Variants in C22orf31 observed in about 807,000 individuals in gnomAD.
C22orf31 encodes the protein chromosome 22 open reading frame 31, also known as uncharacterized protein C22orf31.
In C22orf31, 11 loss-of-function variants were observed where a neutral mutation model predicts 15.0. That is an observed-to-expected ratio of 0.73 (90% confidence interval 0.46 to 1.21). C22orf31 has a LOEUF of 1.21. Among genes scored for constraint, C22orf31 ranks in the 50% most tolerant of loss-of-function variants. The pLI is 0.00. For synonymous variants in C22orf31, 132 were observed against 133.3 expected, an observed-to-expected ratio of 0.99 and a Z score of 0.07; for missense variants, 340 against 347.2, an observed-to-expected ratio of 0.98 and a Z score of 0.17.
chr22:29,059,516 C>A (rs1835399023), intron 2 of C22orf31, among the ~76,000 whole-genome samples: 1 of 152,196 alleles, frequency 6.6e-6, no homozygotes, highest in East Asian at 1.9e-4. Flanking sequence ...AAGCCTTTTG[C>A]ATGTATTATT....
chr22:29,064,036 T>A (rs146767835), upstream of C22orf31, among the ~76,000 whole-genome samples: 798 of 152,170 alleles, frequency 5.2e-3, 8 homozygotes, highest in African/African-American at 0.018. Context: ...CCGGGCTAAT[T>A]TTTGTATTTT....
At chr22:29,060,028 T>A (rs1238035210) in intron 2 of C22orf31, 47 of 906,720 alleles carry the variant, frequency 5.2e-5, no homozygotes, top group Non-Finnish European at 5.9e-5. Flanking sequence ...TTTCTTTTTT[T>A]TTTTTTTTTT....
At chr22:29,067,044 T>A in the C22orf31 span, among the ~76,000 whole-genome samples, 1 of 152,130 alleles carries the variant, frequency 6.6e-6, no homozygotes, top group East Asian at 1.9e-4. Flanking sequence ...TGAGCCAGAA[T>A]CCTGGGAGAC....
Position 29,060,465 on chromosome 22 carries a change from T to A in C22orf31, c.382A>T (p.Lys128Ter). 1 of 1,614,028 alleles carries A rather than the reference T, an allele frequency of 6.2e-7. No individual in the cohort carries two copies. The highest frequency in any genetic ancestry group is 8.5e-7 in the Non-Finnish European group (1 of 1,180,028). ...CTATGCCCTGCTGGCTGCTTGCTCT[T>A]GGAACTGATGAAGTTTCTTTTCCTG... ...QARKRNFISSKSKQPAGHRRP... is the reference protein window; with the variant it reads ...QARKRNFISS Residue 128 changes from lysine (K) to a stop codon, truncating the protein, a stop_gained, in exon 2 of 3, where the codon AAG (lysine) becomes TAG (stop). Coordinates refer to ENST00000216071, the MANE Select transcript of C22orf31 (RefSeq NM_015370.2). LOFTEE classifies it low-confidence loss of function (END_TRUNC).
chr22:29,064,504 T>A (rs929011727), upstream of C22orf31, among the ~76,000 whole-genome samples: 8 of 151,862 alleles, frequency 5.3e-5, no homozygotes, highest in Non-Finnish European at 7.4e-5. Flanking sequence ...AATGAATATT[T>A]GCTTTTTTGT....
At position 29,058,741 on chromosome 22, in the gene C22orf31, C is replaced by T. The variant is rs896108934; in HGVS notation, c.*1G>A. 6.2e-7 allele frequency: 1 copy of T among 1,602,206 alleles called. No individual in the cohort carries two copies. The highest frequency in any genetic ancestry group is 8.5e-7 in the Non-Finnish European group (1 of 1,174,260). On this transcript the variant is annotated 3_prime_UTR_variant, in exon 3 of 3. Transcript: ENST00000216071. Reference sequence around the variant, plus strand: ...TACTCTAATCCCATGAGTTCTTGTTCCTATTTTTTGCTCTTTAACTTGGGC... The same window carrying T: ...TACTCTAATCCCATGAGTTCTTGTTTCTATTTTTTGCTCTTTAACTTGGGC...
chr22:29,072,667 C>T, the C22orf31 span, among the ~76,000 whole-genome samples: 4 of 152,210 alleles, frequency 2.6e-5, no homozygotes, highest in African/African-American at 9.6e-5. Flanking sequence ...TAGCTGAGCT[C>T]GCGCGTGGGT....
chr22:29,061,467 T>C (rs1390042844), intron 1 of C22orf31, among the ~76,000 whole-genome samples: 1 of 152,088 alleles, frequency 6.6e-6, no homozygotes, highest in Admixed American at 6.6e-5. Context: ...GGTTTCTCCA[T>C]GTTGGTCAGG....
At chr22:29,071,644 G>T in the C22orf31 span, among the ~76,000 whole-genome samples, 1 of 152,162 alleles carries the variant, frequency 6.6e-6, no homozygotes, top group Non-Finnish European at 1.5e-5. Context: ...GCCCCGCCGG[G>T]CGTCACCGCT....
upstream of C22orf31, among the ~76,000 whole-genome samples, chr22:29,065,430 G>GA (rs134562): frequency 6.6e-6 from 1 of 151,554 alleles, no homozygotes; most frequent in African/African-American, 2.4e-5. Context: ...AAAGAACAAA[G>GA]AAAAAAAAAT....
At chr22:29,062,512 G>A (rs955979017), upstream of C22orf31, among the ~76,000 whole-genome samples, 4 of 152,148 alleles carry the variant, frequency 2.6e-5, no homozygotes, top group Non-Finnish European at 5.9e-5. Context: ...CTCTTCCTGG[G>A]AACTCTTGGG....
At chr22:29,065,020 AT>A, upstream of C22orf31, among the ~76,000 whole-genome samples, 23 of 151,786 alleles carry the variant, frequency 1.5e-4, no homozygotes, top group African/African-American at 5.3e-4. Context: ...CGCCCGGCTA[AT>A]TTTTGTATTT....
chr22:29,060,374 C>A (rs767062383), intron 2 of C22orf31, 41 bp downstream of exon 2: 1 of 1,548,084 alleles, frequency 6.5e-7, no homozygotes, highest in Admixed American at 1.8e-5. Context: ...TTTTCCCTCC[C>A]CTCGCCAGTC....
chr22:29,059,497 T>G (rs2037359170), intron 2 of C22orf31, among the ~76,000 whole-genome samples: 1 of 152,238 alleles, frequency 6.6e-6, no homozygotes, highest in African/African-American at 2.4e-5. Context: ...TCTGCCAGGC[T>G]CTGTTCAAAA....
the C22orf31 span, chr22:29,073,105 GCC>G: frequency 1.1e-6 from 1 of 880,400 alleles, no homozygotes; most frequent in Non-Finnish European, 1.4e-6. This position sits in a 1 kb window ranked among gnomAD's most constrained non-coding sequence, Gnocchi z 4.4. Context: ...CCCGGGCCGC[GCC>G]CCGGGGCCCC....
the C22orf31 span, among the ~76,000 whole-genome samples, chr22:29,071,549 G>A: frequency 6.6e-6 from 1 of 152,196 alleles, no homozygotes; most frequent in Non-Finnish European, 1.5e-5. Context: ...TGGTGCAGAT[G>A]TTCCCGCCGC....
chr22:29,060,197 T>C (rs2037372961), intron 2 of C22orf31, among the ~76,000 whole-genome samples: 1 of 148,162 alleles, frequency 6.7e-6, no homozygotes, highest in Admixed American at 6.7e-5. Flanking sequence ...TGCCTGGCTT[T>C]TTTTTTTTTT....
chr22:29,060,788 G>A lies in C22orf31; in HGVS notation c.59C>T (p.Ser20Phe), dbSNP rs548667658. ...CTGAAGCCTGGTATTTAATAAGATG[G>A]ACTGTCGGAGTCCATAGATAGGGAT... ...PSIPIYGLRQ[S>F]ILLNTRLQDC... The change falls in exon 2 of 3, where the codon TCC becomes TTC. Residue 20 changes from serine (S) to phenylalanine (F), a missense_variant. Physicochemically the swap from Ser to Phe is radical, Grantham distance 155. Transcript: ENST00000216071. The A allele has an allele frequency of 3.7e-5, 59 of 1,614,120 alleles. No individual in the cohort carries two copies. The East Asian group carries it at 1.1e-3, about 30-fold the overall frequency.
intron 2 of C22orf31, 42 bp downstream of exon 2, chr22:29,060,373 C>A (rs756815297): frequency 1.9e-6 from 3 of 1,541,924 alleles, no homozygotes; most frequent in African/African-American, 1.4e-5. Context: ...CTTTTCCCTC[C>A]CCTCGCCAGT....
Sources: gnomAD v4.1 joint callset for allele counts (sites outside exome capture counted in the v4.1 genomes callset) on GRCh38, gnomAD v4.1.1 for gene constraint, Gnocchi (gnomAD v3.1) non-coding constraint, MANE v1.5 for transcripts, NCBI Gene and HGNC (gene_info 2026-07-23, HGNC 2026-07-21) for gene names.